Variants in DMD observed in about 807,000 individuals in gnomAD.
The protein encoded by DMD is dystrophin, also known as mutant dystrophin.
A neutral mutation model predicts 330.1 loss-of-function variants in DMD; 63 were observed. The ratio of observed to expected loss-of-function variants is 0.19; its 90% CI spans 0.16 to 0.24. The LOEUF (loss-of-function observed/expected upper bound fraction) is 0.24, where lower values mean the gene tolerates loss of function less well. DMD is among the 10% of genes least tolerant of loss of function. The pLI is 1.00. For synonymous variants in DMD, 1,223 were observed against 959.8 expected (o/e 1.27, Z -5.07); for missense variants, 3,344 against 2,684.1 (o/e 1.25, Z -5.43).
intron 13 of DMD, among the ~76,000 whole-genome samples, chrX:32,583,244 C>T (rs1015109620): frequency 4.0e-4 from 45 of 111,777 alleles, no homozygotes; most frequent in South Asian, 3.8e-4. Context: ...GCCTGCAATC[C>T]CAACACTTCG....
At position 32,505,051 on chromosome X, in the gene DMD, T is replaced by C. The variant is rs758673593; in HGVS notation, c.2293-3209A>G. Among the ~76,000 whole-genome samples the C allele has an allele frequency of 1.2e-4, 13 of 111,866 alleles. No individual in the cohort carries two copies. The East Asian group carries it at 2.2e-3, about 19-fold the overall frequency. On this transcript the variant is annotated intron_variant, in intron 18 of 78. Transcript: ENST00000357033. ...CAATCACAGACTCTAGAGTAAAATG[T>C]AAAACTATAAAACTCCTAGCAGATA...
intron 13 of DMD, 140 bp downstream of exon 13, chrX:32,595,617 A>C (rs2055428705): frequency 1.7e-6 from 1 of 582,626 alleles, no homozygotes; most frequent in Non-Finnish European, 2.8e-6. Context: ...ACTTCAGCTG[A>C]TTATGAGTGT....
chrX:33,066,808 G>C (rs977194624), intron 1 of DMD, among the ~76,000 whole-genome samples: 1 of 111,997 alleles, frequency 8.9e-6, no homozygotes, highest in Non-Finnish European at 1.9e-5. Flanking sequence ...GATTATGTCA[G>C]AGTTATGCTT....
intron 9 of DMD, among the ~76,000 whole-genome samples, chrX:32,675,366 G>C (rs1386898152): frequency 1.8e-5 from 2 of 111,071 alleles, no homozygotes; most frequent in Non-Finnish European, 1.9e-5. Context: ...AAGGAAAAAA[G>C]ATTAATGAAG....
intron 5 of DMD, among the ~76,000 whole-genome samples, chrX:32,822,645 C>T (rs2078365998): frequency 9.2e-6 from 1 of 109,118 alleles, no homozygotes; most frequent in Non-Finnish European, 1.9e-5. Context: ...TATATACACA[C>T]ATGCATATTG....
intron 43 of DMD, among the ~76,000 whole-genome samples, chrX:32,238,360 T>A (rs1487109356): frequency 1.8e-5 from 2 of 110,612 alleles, no homozygotes; most frequent in African/African-American, 3.3e-5. Context: ...CTTGTGGCTC[T>A]TTGCAGGAGG....
intron 25 of DMD, among the ~76,000 whole-genome samples, chrX:32,460,363 T>C (rs2098379268): frequency 9.4e-6 from 1 of 105,996 alleles, no homozygotes; most frequent in Non-Finnish European, 2.0e-5. Context: ...TTCCTGCCTG[T>C]TTTTTTTTTC....
chrX:33,284,149 G>A (rs2053390325), intron 1 of DMD, among the ~76,000 whole-genome samples: 1 of 110,671 alleles, frequency 9.0e-6, no homozygotes, highest in Non-Finnish European at 1.9e-5. Flanking sequence ...ATATGATAAA[G>A]TATTCATTAA....
chrX:31,208,016 G>A (rs1479140063), intron 65 of DMD, among the ~76,000 whole-genome samples: 1 of 111,559 alleles, frequency 9.0e-6, no homozygotes, highest in Non-Finnish European at 1.9e-5. Flanking sequence ...AAGTTAAAAA[G>A]TGTCTTTCAA....
intron 44 of DMD, among the ~76,000 whole-genome samples, chrX:31,986,898 GTGAGACAAAATGTCTGAAT>G (rs1238742090): frequency 8.9e-6 from 1 of 112,259 alleles, no homozygotes; most frequent in Non-Finnish European, 1.9e-5. Flanking sequence ...GAGAAAAATA[GTGAGACAAAATGTCTGAAT>G]CCTGGTAACT....
At chrX:32,527,913 G>A (rs903512281) in intron 17 of DMD, among the ~76,000 whole-genome samples, 9 of 111,592 alleles carry the variant, frequency 8.1e-5, no homozygotes, top group Admixed American at 2.9e-4. Context: ...GGGAAGATAG[G>A]GCCACATGAT....
intron 44 of DMD, among the ~76,000 whole-genome samples, chrX:32,037,616 C>T (rs1037744210): frequency 1.8e-5 from 2 of 111,472 alleles, no homozygotes; most frequent in African/African-American, 3.3e-5. Flanking sequence ...TGAGGAATAT[C>T]GATTTCTGGA....
chrX:31,529,653 C>G (rs1273959356), intron 55 of DMD, among the ~76,000 whole-genome samples: 1 of 111,814 alleles, frequency 8.9e-6, no homozygotes, highest in African/African-American at 3.3e-5. Context: ...TTCTTACATT[C>G]AGGGAACGGA....
Position 32,573,550 on chromosome X carries a change from A to G in DMD, c.1792T>C (p.Ser598Pro), listed in dbSNP as rs779690781. Reference protein sequence around the residue: ...TGFKDQNEMLSSLQKLAVLKA... With the variant: ...TGFKDQNEMLPSLQKLAVLKA... ...CATACGGCCAGTTTTTGAAGACTTG[A>G]TAACATTTCATTTTGATCTTTAAAG... The change falls in exon 15 of 79, where the codon TCA becomes CCA. Residue 598 changes from serine to proline, a missense_variant. By Grantham distance (74) the Ser-to-Pro change is moderately conservative. Transcript: ENST00000357033. The G allele has an allele frequency of 1.7e-6, 2 of 1,211,267 alleles. No homozygotes were observed. The highest frequency in any genetic ancestry group is 2.2e-6 in the Non-Finnish European group (2 of 894,965).
chrX:33,182,034 C>T (rs1051972894), intron 1 of DMD, among the ~76,000 whole-genome samples: 1 of 111,814 alleles, frequency 8.9e-6, no homozygotes, highest in Non-Finnish European at 1.9e-5. Flanking sequence ...AATACTTATC[C>T]TCTATTTACA....
chrX:32,252,911 AAT>A (rs1175848562), intron 43 of DMD, among the ~76,000 whole-genome samples: 59 of 80,441 alleles, frequency 7.3e-4, no homozygotes, highest in African/African-American at 2.8e-3. Flanking sequence ...TATATACATA[AAT>A]ATATATAGAT....
In DMD at chrX:31,911,690, ACAGTG is replaced by A. The variant is rs368106721; in HGVS notation, c.6912+17901_6912+17905del. On this transcript the variant is annotated intron_variant, in intron 47 of 78. Coordinates refer to ENST00000357033, the MANE Select transcript of DMD (RefSeq NM_004006.3). ...TGGCCAAGTTACTGCTAACAAACGC[ACAGTG>A]CAGTGGTGGTTCAAGAAGTTTTTCA... Among the ~76,000 whole-genome samples the A allele has an allele frequency of 5.3e-3, 589 of 111,941 alleles. 7 individuals are homozygous for A. Among genetic ancestry groups the A allele is most frequent in the African/African-American group, 0.018 (559 of 30,832 alleles).
At chrX:32,903,929 G>A (rs954477741) in intron 2 of DMD, among the ~76,000 whole-genome samples, 5 of 111,680 alleles carry the variant, frequency 4.5e-5, no homozygotes, top group African/African-American at 1.6e-4. Flanking sequence ...CCACTTTGTT[G>A]TTGTGTGAAC....
intron 1 of DMD, among the ~76,000 whole-genome samples, chrX:33,051,000 A>C (rs780479725): frequency 2.7e-5 from 3 of 111,463 alleles, no homozygotes; most frequent in African/African-American, 9.8e-5. Flanking sequence ...CAAAAGCCAA[A>C]AGCAATAAAC....
Sources: allele counts gnomAD v4.1 joint callset (sites outside exome capture counted in the v4.1 genomes callset), GRCh38; gene constraint gnomAD v4.1.1; transcripts MANE v1.5; gene names NCBI Gene and HGNC (gene_info 2026-07-23, HGNC 2026-07-21).